The following HIPK3 variants were observed in gnomAD, a reference collection of about 807,000 sequenced individuals.
HIPK3 encodes homeodomain-interacting protein kinase 3.
A neutral mutation model predicts 124.2 loss-of-function variants in HIPK3; 47 were observed. That is an observed-to-expected ratio of 0.38 (90% CI 0.30 to 0.48). The LOEUF (loss-of-function observed/expected upper bound fraction) is 0.48. Ranked by LOEUF, HIPK3 falls within the 20% of genes least tolerant of loss-of-function variation. The pLI is 0.98. For missense variants in HIPK3, 1,286 were observed against 1,454.3 expected (o/e 0.88, Z 1.88); for synonymous variants, 482 against 515.2 (o/e 0.94, Z 0.87).
intron 4 of HIPK3, among the ~76,000 whole-genome samples, chr11:33,337,579 C>T (rs1853191992): frequency 6.6e-6 from 1 of 151,698 alleles, no homozygotes. Flanking sequence ...TGGTCTTGAA[C>T]TCCTGACCTC....
chr11:33,327,589 T>A (rs1174938723), intron 2 of HIPK3, among the ~76,000 whole-genome samples: 1 of 152,184 alleles, frequency 6.6e-6, no homozygotes, highest in Non-Finnish European at 1.5e-5. Context: ...TTTTGATGAT[T>A]GTATTGTGGT....
intron 3 of HIPK3, among the ~76,000 whole-genome samples, chr11:33,333,563 G>A (rs1415860445): frequency 3.3e-5 from 5 of 152,136 alleles, no homozygotes; most frequent in Admixed American, 3.3e-4. Flanking sequence ...ACTGGAGATG[G>A]AGGAAGGCAA....
chr11:33,285,063 A>G (rs1407427635), intron 1 of HIPK3, among the ~76,000 whole-genome samples: 5 of 152,220 alleles, frequency 3.3e-5, no homozygotes, highest in African/African-American at 4.8e-5. Flanking sequence ...AATATTAAAT[A>G]TGCCAGAATA....
chr11:33,308,955 T>C (rs998754779), intron 2 of HIPK3, among the ~76,000 whole-genome samples: 4 of 151,864 alleles, frequency 2.6e-5, no homozygotes, highest in Non-Finnish European at 4.4e-5. Flanking sequence ...AATATTTTAC[T>C]GTAAAACATT....
At chr11:33,276,803 T>C (rs1851285140) in intron 1 of HIPK3, among the ~76,000 whole-genome samples, 1 of 152,120 alleles carries the variant, frequency 6.6e-6, no homozygotes, top group Non-Finnish European at 1.5e-5. Context: ...CCTTCCGGAT[T>C]CAAGTGATTC....
In HIPK3 at chr11:33,326,588, G is replaced by A. The variant is rs188801728; in HGVS notation, c.1098-1922G>A. 3.9e-4 allele frequency among the ~76,000 whole-genome samples: 59 copies of A among 152,266 alleles called. No homozygotes were observed. The South Asian group carries it at 0.01, about 27-fold the overall frequency. ...CAAGATGTGCCTGGAATATCTTGCT[G>A]TGTCAGAAAGCAAAGAAATAATCAG... On this transcript the variant is annotated intron_variant, in intron 2 of 16. Coordinates refer to ENST00000303296, the MANE Select transcript of HIPK3 (RefSeq NM_005734.5).
chr11:33,329,045 C>T (rs1255568244), intron 3 of HIPK3, among the ~76,000 whole-genome samples: 1 of 152,054 alleles, frequency 6.6e-6, no homozygotes, highest in Non-Finnish European at 1.5e-5. Context: ...TTTTAAATAC[C>T]TCAGTAACTT....
intron 2 of HIPK3, among the ~76,000 whole-genome samples, chr11:33,300,359 AAAG>A (rs1015205704): frequency 3.9e-5 from 6 of 152,098 alleles, no homozygotes; most frequent in Non-Finnish European, 7.3e-5. Context: ...AAAAAAAAAA[AAAG>A]AACTTGCAGC....
chr11:33,348,837 A>T lies in HIPK3; in HGVS notation c.2666+19A>T. Reference sequence around the variant, plus strand: ...TCAGAGAGTAAGTGCCAAACGCTGCATCCTCAAAGGATATAGATGGCATCC... The same window carrying T: ...TCAGAGAGTAAGTGCCAAACGCTGCTTCCTCAAAGGATATAGATGGCATCC... On this transcript the variant is annotated intron_variant, in intron 13 of 16. Transcript: ENST00000303296. 2 of 1,605,420 alleles carry T rather than the reference A, an allele frequency of 1.2e-6. No individual in the cohort carries two copies. The highest frequency in any genetic ancestry group is 2.2e-5 in the South Asian group (2 of 90,244).
At chr11:33,297,391 G>T (rs1272321997) in intron 2 of HIPK3, among the ~76,000 whole-genome samples, 1 of 152,208 alleles carries the variant, frequency 6.6e-6, no homozygotes, top group Non-Finnish European at 1.5e-5. Flanking sequence ...ACCGCGCCCT[G>T]CTGGAAGAGA....
intron 2 of HIPK3, among the ~76,000 whole-genome samples, chr11:33,293,495 A>G (rs1244739640): frequency 1.4e-5 from 2 of 146,452 alleles, no homozygotes; most frequent in Admixed American, 6.8e-5. Flanking sequence ...TATTCTGGAC[A>G]TGTCATATAC....
intron 2 of HIPK3, among the ~76,000 whole-genome samples, chr11:33,306,403 GCTGT>G (rs1310823339): frequency 6.6e-6 from 1 of 152,190 alleles, no homozygotes; most frequent in Non-Finnish European, 1.5e-5. Context: ...TGGTTTTGAA[GCTGT>G]CTAATATGAC....
rs148715569 is a variant in HIPK3 at position 33,286,967 on chromosome 11, G to A, written c.553G>A (p.Val185Ile). ...CTTGEGDYQL[V>I]QHEVLCSMKN... Reference sequence around the variant, plus strand: ...CACTGGAGAAGGTGACTATCAGTTAGTACAGCATGAAGTCTTATGCTCCAT... The same window carrying A: ...CACTGGAGAAGGTGACTATCAGTTAATACAGCATGAAGTCTTATGCTCCAT... The change falls in exon 2 of 17, where the codon GTA becomes ATA. Residue 185 changes from valine (V) to isoleucine (I), a missense_variant. Val to Ile is a conservative substitution (Grantham distance 29). Transcript: ENST00000303296. 4.6e-4 allele frequency: 743 copies of A among 1,614,138 alleles called. 4 individuals are homozygous for A. The African/African-American group carries it at 8.8e-3, about 19-fold the overall frequency.
chr11:33,275,154 C>T (rs1279260057), intron 1 of HIPK3, among the ~76,000 whole-genome samples: 1 of 152,146 alleles, frequency 6.6e-6, no homozygotes, highest in African/African-American at 2.4e-5. Context: ...ATTCTCCTGC[C>T]TCAGCCTCCT....
rs1851558594 is a variant in HIPK3 at position 33,286,537 on chromosome 11, A to C, written c.123A>C (p.Pro41=). The C allele has an allele frequency of 1.2e-6, 2 of 1,614,032 alleles. No homozygotes were observed. The highest frequency in any genetic ancestry group is 8.5e-7 in the Non-Finnish European group (1 of 1,180,002). Reference sequence around the variant, plus strand: ...GTGTATTCCAGGAAAGAAACTATCCACGGACCTATGTGAATGGTAGAAACT... The same window carrying C: ...GTGTATTCCAGGAAAGAAACTATCCCCGGACCTATGTGAATGGTAGAAACT... ...SSCVFQERNY[P]RTYVNGRNFG... Residue 41 remains proline, a synonymous_variant, in exon 2 of 17, where the codon CCA becomes CCC. Coordinates refer to ENST00000303296, the MANE Select transcript of HIPK3 (RefSeq NM_005734.5).
intron 2 of HIPK3, among the ~76,000 whole-genome samples, chr11:33,289,159 A>G (rs77348671): frequency 9.2e-5 from 14 of 152,258 alleles, no homozygotes; most frequent in African/African-American, 3.4e-4. Context: ...TAAAATATGT[A>G]TTTGAGCTGG....
chr11:33,315,127 T>C (rs188453949), intron 2 of HIPK3, among the ~76,000 whole-genome samples: 40 of 152,330 alleles, frequency 2.6e-4, no homozygotes, highest in Admixed American at 2.5e-3. Context: ...TGACATGTTT[T>C]GTCTTTATTT....
chr11:33,352,357 A>G lies in HIPK3; in HGVS notation c.3171+92A>G, dbSNP rs576746045. ...GGAGAAAGCTTCTGAAACTGTATGT[A>G]GTGTTAATGAATTTTTCCCTTCTCA... On this transcript the variant is annotated intron_variant, in intron 16 of 16. Coordinates refer to ENST00000303296, the MANE Select transcript of HIPK3 (RefSeq NM_005734.5). 9 of 1,360,278 alleles carry G rather than the reference A, an allele frequency of 6.6e-6. No homozygotes were observed. The African/African-American group carries it at 1.3e-4, about 20-fold the overall frequency. 84.3% of individuals were successfully genotyped at this position (1,360,278 alleles called of 1,614,324 possible). A position where few individuals can be genotyped will look rare whatever the true frequency, so the allele number is the denominator to read the frequency against.
chr11:33,294,039 C>T (rs1851771323), intron 2 of HIPK3, among the ~76,000 whole-genome samples: 1 of 151,576 alleles, frequency 6.6e-6, no homozygotes, highest in Non-Finnish European at 1.5e-5. Context: ...TGGTGGCAGG[C>T]ACGTGTCAGG....
Sources: gnomAD v4.1 joint callset for allele counts (sites outside exome capture counted in the v4.1 genomes callset) on GRCh38, gnomAD v4.1.1 for gene constraint, MANE v1.5 for transcripts, NCBI Gene and HGNC (gene_info 2026-07-23, HGNC 2026-07-21) for gene names.